The following LARGE1 variants were observed in gnomAD, a reference collection of about 807,000 sequenced individuals.
The protein encoded by LARGE1 is LARGE xylosyl- and glucuronyltransferase 1.
Under a neutral mutation model 87.6 loss-of-function variants are expected in LARGE1, and 43 were observed. That is an observed-to-expected ratio of 0.49 (90% CI 0.38 to 0.63). The LOEUF is 0.63. Ranked by LOEUF, LARGE1 falls within the 30% of genes least tolerant of loss-of-function variation. LARGE1 has a pLI of 0.00. For missense variants in LARGE1, 802 were observed against 1,000.2 expected, an observed-to-expected ratio of 0.80 and a Z score of 2.67; for synonymous variants, 434 against 394.6, an observed-to-expected ratio of 1.10 and a Z score of -1.18.
chr22:33,808,975 A>T (rs1413350142), intron 1 of LARGE1, among the ~76,000 whole-genome samples: 2 of 71,320 alleles, frequency 2.8e-5, no homozygotes, highest in African/African-American at 5.8e-5. Flanking sequence ...CCCATGTATT[A>T]AAAAGCTCAG....
intron 2 of LARGE1, among the ~76,000 whole-genome samples, chr22:33,690,859 C>G (rs1355266885): frequency 6.6e-6 from 1 of 152,090 alleles, no homozygotes; most frequent in East Asian, 1.9e-4. Context: ...CCTCCCTCCA[C>G]CCACACCTTT....
At chr22:33,516,840 TC>T (rs1287314143) in intron 6 of LARGE1, among the ~76,000 whole-genome samples, 1 of 152,104 alleles carries the variant, frequency 6.6e-6, no homozygotes, top group African/African-American at 2.4e-5. Flanking sequence ...CACCTCGGCC[TC>T]CCAAAGTGCT....
chr22:33,272,093 G>A (rs1928292783), downstream of LARGE1, among the ~76,000 whole-genome samples: 1 of 152,224 alleles, frequency 6.6e-6, no homozygotes, highest in Admixed American at 6.5e-5. Context: ...CTGGGCATGA[G>A]TCAGGGGCCA....
chr22:33,412,266 A>G (rs2147457015), intron 7 of LARGE1, among the ~76,000 whole-genome samples: 1 of 151,898 alleles, frequency 6.6e-6, no homozygotes, highest in Non-Finnish European at 1.5e-5. Flanking sequence ...CCTGGGTGAC[A>G]AGAGTGAGAC....
chr22:33,467,100 T>C (rs1265840618), intron 6 of LARGE1, among the ~76,000 whole-genome samples: 1 of 152,236 alleles, frequency 6.6e-6, no homozygotes, highest in Non-Finnish European at 1.5e-5. Context: ...AAAGGAATGA[T>C]ATTGTTTCAA....
At chr22:33,559,956 T>C (rs2077806000) in intron 6 of LARGE1, among the ~76,000 whole-genome samples, 4 of 152,206 alleles carry the variant, frequency 2.6e-5, no homozygotes, top group Admixed American at 2.6e-4. Context: ...TATGGTCACT[T>C]TGAGTTCTTT....
At chr22:33,636,107 T>C (rs1041364497) in intron 3 of LARGE1, among the ~76,000 whole-genome samples, 10 of 152,206 alleles carry the variant, frequency 6.6e-5, no homozygotes, top group Non-Finnish European at 1.3e-4. Context: ...ATTGACTTTC[T>C]TGTGCTATAA....
the LARGE1 span, among the ~76,000 whole-genome samples, chr22:33,116,512 G>C: frequency 1.3e-5 from 2 of 151,188 alleles, no homozygotes; most frequent in East Asian, 3.9e-4. Flanking sequence ...CCGCCACCAC[G>C]CCCAGCTAAT....
At chr22:33,720,407 G>A (rs576741317) in intron 2 of LARGE1, among the ~76,000 whole-genome samples, 1 of 152,252 alleles carries the variant, frequency 6.6e-6, no homozygotes, top group Non-Finnish European at 1.5e-5. Context: ...CTGCTGTGTG[G>A]CCATGTTCCT....
At chr22:33,268,934 T>A (rs538604937), downstream of LARGE1, among the ~76,000 whole-genome samples, 2 of 152,328 alleles carry the variant, frequency 1.3e-5, no homozygotes, top group East Asian at 3.9e-4. Flanking sequence ...CATAATATGC[T>A]ATATAACATT....
intron 9 of LARGE1, among the ~76,000 whole-genome samples, chr22:33,342,182 G>A (rs527670746): frequency 9.2e-5 from 14 of 152,288 alleles, no homozygotes; most frequent in South Asian, 2.1e-4. Context: ...ACACCCAGTG[G>A]GGGGATCGTG....
intron 3 of LARGE1, among the ~76,000 whole-genome samples, chr22:33,641,883 G>GA (rs1248734878): frequency 1.3e-4 from 20 of 152,172 alleles, no homozygotes; most frequent in African/African-American, 4.6e-4. Flanking sequence ...GGGACTATGT[G>GA]AAAAGAACAA....
intron 1 of LARGE1, among the ~76,000 whole-genome samples, chr22:33,809,659 C>T (rs2086430018): frequency 6.6e-6 from 1 of 152,158 alleles, no homozygotes; most frequent in African/African-American, 2.4e-5. Context: ...AAAGAGCTAA[C>T]AGGTGAAACT....
the LARGE1 span, among the ~76,000 whole-genome samples, chr22:33,118,840 A>G: frequency 2.2e-3 from 335 of 152,320 alleles, 1 homozygote; most frequent in African/African-American, 7.3e-3. Context: ...CAGTAAGACT[A>G]AGTCTCCTAG....
intron 11 of LARGE1, among the ~76,000 whole-genome samples, chr22:33,205,924 G>A (rs940205094): frequency 1.7e-4 from 25 of 145,070 alleles, no homozygotes; most frequent in African/African-American, 6.4e-4. Flanking sequence ...GATTACGGGT[G>A]CCCACTACCA....
chr22:33,697,713 G>A (rs2149359028), intron 2 of LARGE1, among the ~76,000 whole-genome samples: 1 of 152,304 alleles, frequency 6.6e-6, no homozygotes, highest in African/African-American at 2.4e-5. Context: ...GCGCTGCAGA[G>A]TCTTTCTCTC....
At chr22:33,486,305 T>C (rs1310314269) in intron 6 of LARGE1, among the ~76,000 whole-genome samples, 1 of 152,238 alleles carries the variant, frequency 6.6e-6, no homozygotes, top group African/African-American at 2.4e-5. Context: ...ATGAAGTTCC[T>C]GGGGCTCTAG....
At chr22:33,141,230 G>A in the LARGE1 span, among the ~76,000 whole-genome samples, 1 of 149,132 alleles carries the variant, frequency 6.7e-6, no homozygotes, top group Non-Finnish European at 1.5e-5. Context: ...ACACCACTTT[G>A]AAATTCACAT....
intron 5 of LARGE1, among the ~76,000 whole-genome samples, chr22:33,566,312 A>C (rs970879548): frequency 2.0e-5 from 3 of 152,258 alleles, no homozygotes; most frequent in Non-Finnish European, 4.4e-5. Context: ...ATAATTTCTA[A>C]AAACCTGCAT....
Sources: gnomAD v4.1 joint callset for allele counts (sites outside exome capture counted in the v4.1 genomes callset) on GRCh38, gnomAD v4.1.1 for gene constraint, MANE v1.5 for transcripts, NCBI Gene and HGNC (gene_info 2026-07-23, HGNC 2026-07-21) for gene names.